KCND2: variants seen among roughly 807,000 people sequenced by gnomAD.
KCND2 encodes the protein A-type voltage-gated potassium channel KCND2.
In KCND2, 16 loss-of-function variants were observed where a neutral mutation model predicts 54.4. That is an observed-to-expected ratio of 0.29 (90% CI 0.20 to 0.45). KCND2 has a LOEUF of 0.45. Among genes scored for constraint, KCND2 ranks in the 20% least tolerant of loss-of-function variants. KCND2 has a pLI of 1.00. For synonymous variants in KCND2, 317 were observed against 310.7 expected (o/e 1.02, Z -0.21); for missense variants, 486 against 824.2 (o/e 0.59, Z 5.02).
chr7:120,699,080 A>T (rs1030045004), intron 1 of KCND2, among the ~76,000 whole-genome samples: 1 of 152,066 alleles, frequency 6.6e-6, no homozygotes. Context: ...GGAGATCGAG[A>T]CCAACCTGGC....
chr7:120,461,660 G>A (rs1802285396), intron 1 of KCND2, among the ~76,000 whole-genome samples: 1 of 152,016 alleles, frequency 6.6e-6, no homozygotes, highest in African/African-American at 2.4e-5. Context: ...AGAGGTTCAG[G>A]CTGCTTTTTC....
At chr7:120,333,091 G>A (rs187302810) in intron 1 of KCND2, among the ~76,000 whole-genome samples, 2 of 152,218 alleles carry the variant, frequency 1.3e-5, no homozygotes, top group Admixed American at 6.5e-5. Flanking sequence ...ATGATTGGAA[G>A]AATATGAGTC....
chr7:120,352,480 A>G lies in KCND2; in HGVS notation c.1115+76733A>G, dbSNP rs868168609. Among the ~76,000 whole-genome samples, 151 of 151,756 alleles carry G rather than the reference A, an allele frequency of 1.0e-3. 3 individuals are homozygous for G. The Middle Eastern group carries it at 0.031, about 31-fold the overall frequency. ...TACATACACACACACACACACACAC[A>G]CACACACACACACACACAACATTCA... On this transcript the variant is annotated intron_variant, in intron 1 of 5. Transcript: ENST00000331113.
intron 1 of KCND2, among the ~76,000 whole-genome samples, chr7:120,515,295 T>C (rs1197325937): frequency 6.6e-6 from 1 of 152,118 alleles, no homozygotes; most frequent in Non-Finnish European, 1.5e-5. Context: ...TGTGAAGCCC[T>C]CCCTGATCTC....
chr7:120,583,136 A>G (rs547355895), intron 1 of KCND2, among the ~76,000 whole-genome samples: 4 of 152,242 alleles, frequency 2.6e-5, no homozygotes, highest in African/African-American at 9.6e-5. Flanking sequence ...AGGTTAGTGG[A>G]TAAGTACTCA....
chr7:120,356,602 A>G (rs1800509757), intron 1 of KCND2, among the ~76,000 whole-genome samples: 2 of 152,140 alleles, frequency 1.3e-5, no homozygotes, highest in African/African-American at 4.8e-5. Context: ...GGGTATAATC[A>G]CATGTAGAAT....
chr7:120,304,193 T>C (rs987738280), intron 1 of KCND2, among the ~76,000 whole-genome samples: 5 of 152,322 alleles, frequency 3.3e-5, no homozygotes, highest in African/African-American at 1.2e-4. Flanking sequence ...TTTTTTAGCA[T>C]GTCTTATATG....
chr7:120,315,687 A>G (rs927798909), intron 1 of KCND2, among the ~76,000 whole-genome samples: 5 of 152,016 alleles, frequency 3.3e-5, no homozygotes, highest in African/African-American at 1.2e-4. Context: ...TGTAAATTTC[A>G]TAGTCATAAA....
chr7:120,662,220 C>G (rs1374429577), intron 1 of KCND2, among the ~76,000 whole-genome samples: 3 of 152,080 alleles, frequency 2.0e-5, no homozygotes, highest in African/African-American at 7.2e-5. Flanking sequence ...TTATCCTTGT[C>G]TACACAATGT....
chr7:120,508,921 A>C (rs775648911), intron 1 of KCND2, among the ~76,000 whole-genome samples: 1 of 132,362 alleles, frequency 7.6e-6, no homozygotes, highest in Admixed American at 7.6e-5. Context: ...TCCTTTTTAA[A>C]GAAAGGAGTG....
intron 1 of KCND2, among the ~76,000 whole-genome samples, chr7:120,698,800 C>A (rs1792363562): frequency 6.6e-6 from 1 of 152,248 alleles, no homozygotes; most frequent in South Asian, 2.1e-4. Context: ...ATCCTTACCA[C>A]CAATAAATCA....
chr7:120,652,992 C>G (rs529654474), intron 1 of KCND2, among the ~76,000 whole-genome samples: 16 of 152,088 alleles, frequency 1.1e-4, no homozygotes, highest in African/African-American at 3.9e-4. Context: ...GACAGCAAGA[C>G]CTGAGATGGA....
At chr7:120,607,477 C>A (rs1792896159) in intron 1 of KCND2, among the ~76,000 whole-genome samples, 2 of 152,070 alleles carry the variant, frequency 1.3e-5, no homozygotes, top group Admixed American at 6.6e-5. Context: ...ATCTCATAAA[C>A]CATAGTAATT....
intron 1 of KCND2, among the ~76,000 whole-genome samples, chr7:120,697,727 T>C (rs1792349315): frequency 6.6e-6 from 1 of 152,190 alleles, no homozygotes; most frequent in Admixed American, 6.5e-5. Flanking sequence ...TTAGCAAAGC[T>C]ATGACATAGA....
intron 1 of KCND2, among the ~76,000 whole-genome samples, chr7:120,494,789 G>T (rs1446503276): frequency 6.6e-6 from 1 of 152,106 alleles, no homozygotes; most frequent in Non-Finnish European, 1.5e-5. Flanking sequence ...TATGGAAAAT[G>T]ATTATATCAC....
At chr7:120,502,864 T>G (rs1359270553) in intron 1 of KCND2, among the ~76,000 whole-genome samples, 2 of 152,100 alleles carry the variant, frequency 1.3e-5, no homozygotes, top group Non-Finnish European at 2.9e-5. Flanking sequence ...GAATCGCTCT[T>G]CCTTCTTCCT....
chr7:120,725,747 C>T (rs1031380020), intron 1 of KCND2, among the ~76,000 whole-genome samples: 3 of 152,080 alleles, frequency 2.0e-5, no homozygotes, highest in Non-Finnish European at 4.4e-5. Flanking sequence ...ATCGATACTC[C>T]CTTAAGTATC....
intron 1 of KCND2, among the ~76,000 whole-genome samples, chr7:120,399,710 T>TTATG (rs1801216454): frequency 1.5e-5 from 2 of 130,566 alleles, no homozygotes; most frequent in Admixed American, 7.1e-5. Flanking sequence ...CCTTATTTAT[T>TTATG]TATTTATTTA....
At chr7:120,474,327 T>A (rs1802502558) in intron 1 of KCND2, among the ~76,000 whole-genome samples, 1 of 151,992 alleles carries the variant, frequency 6.6e-6, no homozygotes. Context: ...CTTTTCAGAA[T>A]TATTCTTTTT....
Sources: allele counts gnomAD v4.1 joint callset (sites outside exome capture counted in the v4.1 genomes callset), GRCh38; gene constraint gnomAD v4.1.1; transcripts MANE v1.5; gene names NCBI Gene and HGNC (gene_info 2026-07-23, HGNC 2026-07-21).